Variants in APLP2 observed in about 807,000 individuals in gnomAD.
APLP2 encodes amyloid beta precursor like protein 2.
A neutral mutation model predicts 89.9 loss-of-function variants in APLP2; 53 were observed. The ratio of observed to expected loss-of-function variants is 0.59; its 90% CI spans 0.47 to 0.74. APLP2 has a LOEUF of 0.74. Among genes scored for constraint, APLP2 ranks in the 30% least tolerant of loss-of-function variants. APLP2 has a pLI of 0.00. For missense variants in APLP2, 973 were observed against 975.9 expected (o/e 1.00, Z 0.04); for synonymous variants, 372 against 348.6 (o/e 1.07, Z -0.75).
At chr11:130,090,529 A>G (rs1280313547) in intron 1 of APLP2, among the ~76,000 whole-genome samples, 1 of 151,902 alleles carries the variant, frequency 6.6e-6, no homozygotes, top group African/African-American at 2.4e-5. Flanking sequence ...CCCTTAATCC[A>G]TTTAACCCTG....
chr11:130,114,230 T>G (rs903254816), intron 3 of APLP2: 1 of 152,236 alleles, frequency 6.6e-6, no homozygotes, highest in Non-Finnish European at 1.5e-5. Context: ...CATTGATTTT[T>G]TTTTTTTTAA....
intron 1 of APLP2, chr11:130,101,778 A>T: frequency 3.0e-6 from 1 of 328,434 alleles, no homozygotes; most frequent in South Asian, 2.4e-5. Context: ...CGATGATCAA[A>T]ACCAGGAGGT....
At chr11:130,110,134 C>A (rs1043586360) in intron 2 of APLP2, among the ~76,000 whole-genome samples, 3 of 152,230 alleles carry the variant, frequency 2.0e-5, no homozygotes, top group Non-Finnish European at 4.4e-5. Context: ...CCACTTCTTA[C>A]CAAGATGAGC....
chr11:130,116,321 G>T (rs1465280019), intron 3 of APLP2, among the ~76,000 whole-genome samples: 1 of 151,958 alleles, frequency 6.6e-6, no homozygotes, highest in South Asian at 2.1e-4. Flanking sequence ...ATACACATAA[G>T]CCATATTTCT....
rs1044107320 is a variant in APLP2, at chr11:130,123,536, T to C, written c.923-76T>C. The C allele has an allele frequency of 1.3e-6, 2 of 1,483,724 alleles. No homozygotes were observed. Among genetic ancestry groups the C allele is most frequent in the Non-Finnish European group, 1.8e-6 (2 of 1,098,166 alleles). The allele number at this position is 1,483,724 out of a possible 1,614,324, so 91.9% of individuals were successfully genotyped here. A position where few individuals can be genotyped will look rare whatever the true frequency, so the allele number is the denominator to read the frequency against. On this transcript the variant is annotated intron_variant, in intron 6 of 16. Coordinates refer to ENST00000338167, the MANE Select transcript of APLP2 (RefSeq NM_001142276.2). The surrounding 1 kb of genome is among the most constrained non-coding windows in gnomAD (Gnocchi z 4.0). ...GGCCTCCCCCAGCCCATCCCCCAGC[T>C]CGCCAGCCTGTAGCATTTTGAAGCA...
chr11:130,074,638 C>T (rs77950518), intron 1 of APLP2, among the ~76,000 whole-genome samples: 8,952 of 152,170 alleles, frequency 0.059, 277 homozygotes, highest in Non-Finnish European at 0.073. Context: ...TTTAAAAGTA[C>T]AGATAACCAA....
chr11:130,072,943 T>C (rs888915814), intron 1 of APLP2, among the ~76,000 whole-genome samples: 1 of 152,202 alleles, frequency 6.6e-6, no homozygotes, highest in African/African-American at 2.4e-5. Context: ...GTCTGTAGGG[T>C]GACTAGTGTG....
intron 1 of APLP2, among the ~76,000 whole-genome samples, chr11:130,074,200 T>G (rs1291470546): frequency 6.6e-6 from 1 of 151,828 alleles, no homozygotes; most frequent in Non-Finnish European, 1.5e-5. Flanking sequence ...AAACATGTTT[T>G]GTTGTTGTTG....
Position 130,089,621 on chromosome 11 carries a change from T to G in APLP2, c.105+19539T>G, listed in dbSNP as rs149644791. On this transcript the variant is annotated intron_variant, in intron 1 of 16. Transcript: ENST00000338167. ...GTGTGTTTGTTTGCTAGAGCTGCTG[T>G]AACAAAGATGCCACAAATGGAGTGA... 9.5e-3 allele frequency among the ~76,000 whole-genome samples: 1,444 copies of G among 152,362 alleles called. 12 individuals are homozygous for G. Among genetic ancestry groups the G allele is most frequent in the Middle Eastern group, 0.027 (8 of 294 alleles).
rs1232765748 is a variant in APLP2 at position 130,143,504 on chromosome 11, A to G, written c.*56A>G. Reference sequence around the variant, plus strand: ...GGATGCAGGTGGGCCGGAAGATCCCACGATTCCGATCGACTGCCAAGCAGC... The same window carrying G: ...GGATGCAGGTGGGCCGGAAGATCCCGCGATTCCGATCGACTGCCAAGCAGC... On this transcript the variant is annotated 3_prime_UTR_variant, in exon 17 of 17. Transcript: ENST00000338167. The G allele has an allele frequency of 3.4e-6, 5 of 1,459,520 alleles. No homozygotes were observed. Among genetic ancestry groups the G allele is most frequent in the South Asian group, 1.1e-5 (1 of 88,126 alleles). The allele number at this position is 1,459,520 out of a possible 1,614,324, so 90.4% of individuals were successfully genotyped here. A position where few individuals can be genotyped will look rare whatever the true frequency, so the allele number is the denominator to read the frequency against.
intron 1 of APLP2, among the ~76,000 whole-genome samples, chr11:130,100,794 C>T (rs1462946200): frequency 6.6e-6 from 1 of 152,052 alleles, no homozygotes; most frequent in East Asian, 1.9e-4. Context: ...TGGAGTTTTC[C>T]CCCTACACCC....
intron 1 of APLP2, among the ~76,000 whole-genome samples, chr11:130,078,126 A>G (rs1454568081): frequency 6.7e-6 from 1 of 148,850 alleles, no homozygotes; most frequent in Non-Finnish European, 1.5e-5. Context: ...ATTACCTCCC[A>G]TGCATTCGTC....
chr11:130,117,242 G>A (rs1170242905), intron 3 of APLP2, among the ~76,000 whole-genome samples: 2 of 152,202 alleles, frequency 1.3e-5, no homozygotes, highest in Non-Finnish European at 2.9e-5. Context: ...CTGAAGATTA[G>A]TGGCATTTAA....
intron 4 of APLP2, 41 bp downstream of exon 4, chr11:130,120,859 G>T (rs1246388511): frequency 2.1e-6 from 3 of 1,418,538 alleles, no homozygotes; most frequent in Non-Finnish European, 3.0e-6. Context: ...TGTTGTATCT[G>T]TTAGGAGGGA....
At chr11:130,132,449 G>A (rs2136059643) in intron 11 of APLP2, among the ~76,000 whole-genome samples, 1 of 152,106 alleles carries the variant, frequency 6.6e-6, no homozygotes. Flanking sequence ...GAAAAGCTTG[G>A]TAATTGCAGG....
chr11:130,133,922 C>T (rs1008451307), intron 12 of APLP2, among the ~76,000 whole-genome samples, 194 bp downstream of exon 12: 5 of 152,216 alleles, frequency 3.3e-5, no homozygotes, highest in Non-Finnish European at 7.3e-5. Context: ...GACAGGTGCA[C>T]TGGCTGTGAG....
At chr11:130,136,255 T>C (rs893284720) in intron 13 of APLP2, among the ~76,000 whole-genome samples, 3 of 152,184 alleles carry the variant, frequency 2.0e-5, no homozygotes, top group Non-Finnish European at 4.4e-5. Context: ...AACAAGTTGC[T>C]GAGACCAGTG....
At position 130,141,556 on chromosome 11, in the gene APLP2, G is replaced by A. The variant is rs779574946; in HGVS notation, c.1982G>A (p.Gly661Asp). Residue 661 changes from glycine (G) to aspartate (D), a missense_variant, in exon 15 of 17, where the codon GGC becomes GAC. Gly to Asp is a moderately conservative substitution (Grantham distance 94, BLOSUM62 -1). Coordinates refer to ENST00000338167, the MANE Select transcript of APLP2 (RefSeq NM_001142276.2). The surrounding 1 kb of genome is among the most constrained non-coding windows in gnomAD (Gnocchi z 4.2). ...ATTTTCAATGCCGAGAGAGTTGGAG[G>A]CCTCGAGGAAGAGCGGGTACGTGTT... ...EMIFNAERVGGLEEERESVGP... is the reference protein window; with the variant it reads ...EMIFNAERVGDLEEERESVGP... 1.9e-6 allele frequency: 3 copies of A among 1,613,888 alleles called. No homozygotes were observed. Among genetic ancestry groups the A allele is most frequent in the Middle Eastern group, 3.3e-4 (2 of 6,082 alleles).
At chr11:130,119,856 T>C (rs1026051813) in intron 3 of APLP2, among the ~76,000 whole-genome samples, 7 of 152,248 alleles carry the variant, frequency 4.6e-5, no homozygotes, top group African/African-American at 1.4e-4. Context: ...ACAGTTGTCA[T>C]GTTTGGAAAT....
Sources: allele counts gnomAD v4.1 joint callset (sites outside exome capture counted in the v4.1 genomes callset), GRCh38; gene constraint gnomAD v4.1.1; non-coding constraint Gnocchi (gnomAD v3.1); transcripts MANE v1.5; gene names NCBI Gene and HGNC (gene_info 2026-07-23, HGNC 2026-07-21).